The following MDGA2 variants were observed in gnomAD, a reference collection of about 807,000 sequenced individuals.
MDGA2 encodes the protein MAM domain containing glycosylphosphatidylinositol anchor 2.
Under a neutral mutation model 117.8 loss-of-function variants are expected in MDGA2, and 40 were observed. The ratio of observed to expected loss-of-function variants is 0.34; its 90% CI spans 0.26 to 0.44. MDGA2 has a LOEUF of 0.44. MDGA2 is among the 20% of genes least tolerant of loss of function. The probability of loss-of-function intolerance (pLI) is 1.00; values close to 1 mark genes in which losing one functional copy is unlikely to be tolerated. For missense variants in MDGA2, 1,123 were observed against 1,250.6 expected, an observed-to-expected ratio of 0.90 and a Z score of 1.54; for synonymous variants, 452 against 439.0, an observed-to-expected ratio of 1.03 and a Z score of -0.37.
intron 2 of MDGA2, among the ~76,000 whole-genome samples, chr14:47,242,478 C>A (rs993559991): frequency 6.6e-6 from 1 of 151,820 alleles, no homozygotes; most frequent in Non-Finnish European, 1.5e-5. Context: ...CTGCGTGTGG[C>A]GCTTGCGGGG....
Position 47,034,997 on chromosome 14 carries a change from G to A in MDGA2, c.1819+14C>T, listed in dbSNP as rs1888792255. On this transcript the variant is annotated intron_variant, in intron 8 of 16. Coordinates refer to ENST00000399232, the MANE Select transcript of MDGA2 (RefSeq NM_001113498.3). ...TGTCCCCATATGGAAATGCATAAAA[G>A]GGAATTTACTTACACTGAACGATGA... The A allele has an allele frequency of 2.5e-6, 4 of 1,598,372 alleles. No individual in the cohort carries two copies. The highest frequency in any genetic ancestry group is 3.4e-6 in the Non-Finnish European group (4 of 1,170,770).
intron 3 of MDGA2, among the ~76,000 whole-genome samples, chr14:47,178,653 T>C (rs1449689719): frequency 6.6e-6 from 1 of 152,142 alleles, no homozygotes; most frequent in Non-Finnish European, 1.5e-5. Flanking sequence ...CACAATTCAA[T>C]GAGGCAGAAA....
chr14:47,297,862 A>G (rs993167147), intron 2 of MDGA2, among the ~76,000 whole-genome samples: 5 of 152,194 alleles, frequency 3.3e-5, no homozygotes, highest in Non-Finnish European at 1.5e-5. Context: ...TTTCATACCT[A>G]CACATCCAAA....
At chr14:47,281,828 G>T (rs1888500874) in intron 2 of MDGA2, among the ~76,000 whole-genome samples, 1 of 151,652 alleles carries the variant, frequency 6.6e-6, no homozygotes, top group South Asian at 2.1e-4. Context: ...AGACCGAGGT[G>T]AGCCGATCAC....
chr14:47,580,532 G>A (rs968605254), intron 1 of MDGA2, among the ~76,000 whole-genome samples: 2 of 151,742 alleles, frequency 1.3e-5, no homozygotes, highest in South Asian at 2.1e-4. Flanking sequence ...GATTCCATTC[G>A]AGCCACTATT....
intron 16 of MDGA2, among the ~76,000 whole-genome samples, chr14:46,844,597 C>G (rs1182047060): frequency 6.6e-6 from 1 of 151,890 alleles, no homozygotes; most frequent in African/African-American, 2.4e-5. Flanking sequence ...AAAAAATTGG[C>G]TAAATCAGGA....
chr14:47,417,011 T>C (rs1192580933), intron 1 of MDGA2, among the ~76,000 whole-genome samples: 2 of 152,178 alleles, frequency 1.3e-5, no homozygotes, highest in African/African-American at 4.8e-5. Context: ...TTGAAGAGAA[T>C]GCTGGTAGAA....
chr14:47,389,592 ACACACACACACACC>A (rs1357871407), intron 1 of MDGA2, among the ~76,000 whole-genome samples: 5 of 59,644 alleles, frequency 8.4e-5, no homozygotes, highest in South Asian at 9.4e-4. Flanking sequence ...GCAGGAAAAC[ACACACACACACACC>A]CACACACACA....
intron 10 of MDGA2, among the ~76,000 whole-genome samples, chr14:46,906,949 C>T (rs1014319292): frequency 2.7e-5 from 4 of 150,394 alleles, no homozygotes; most frequent in Non-Finnish European, 4.4e-5. Context: ...AATTACAACA[C>T]TGCATTCTTT....
intron 7 of MDGA2, among the ~76,000 whole-genome samples, chr14:47,047,760 C>T (rs1000135542): frequency 6.6e-6 from 1 of 151,608 alleles, no homozygotes; most frequent in Non-Finnish European, 1.5e-5. Flanking sequence ...TATGATGTCT[C>T]GAGTACTGAG....
chr14:47,392,272 T>C (rs1891913257), intron 1 of MDGA2, among the ~76,000 whole-genome samples: 1 of 152,102 alleles, frequency 6.6e-6, no homozygotes, highest in African/African-American at 2.4e-5. Context: ...AGCTTAGAAA[T>C]CATTAACTTT....
intron 8 of MDGA2, among the ~76,000 whole-genome samples, chr14:47,034,400 C>T (rs1888766304): frequency 6.6e-6 from 1 of 151,774 alleles, no homozygotes; most frequent in Non-Finnish European, 1.5e-5. Flanking sequence ...AAACAATTAC[C>T]CGCTAAGATT....
chr14:47,610,398 C>T (rs1391046160), intron 1 of MDGA2, among the ~76,000 whole-genome samples: 5 of 151,926 alleles, frequency 3.3e-5, no homozygotes, highest in East Asian at 1.9e-4. Flanking sequence ...ATGATATGAT[C>T]GTTTATCGTG....
intron 1 of MDGA2, among the ~76,000 whole-genome samples, chr14:47,388,918 C>T (rs1891823363): frequency 2.0e-5 from 3 of 152,140 alleles, no homozygotes; most frequent in South Asian, 4.1e-4. Context: ...GCATATGTCC[C>T]GATGGATACA....
At chr14:47,075,822 A>C (rs1890469423) in intron 6 of MDGA2, among the ~76,000 whole-genome samples, 1 of 152,102 alleles carries the variant, frequency 6.6e-6, no homozygotes, top group Non-Finnish European at 1.5e-5. Flanking sequence ...ATATTAAAAA[A>C]TCAGCTGGTT....
intron 3 of MDGA2, among the ~76,000 whole-genome samples, chr14:47,154,167 A>G (rs1883274609): frequency 6.6e-6 from 1 of 152,222 alleles, no homozygotes; most frequent in Non-Finnish European, 1.5e-5. Flanking sequence ...GTTTTTCCTT[A>G]AGCTGAGTGC....
chr14:47,535,907 C>T (rs1895200752), intron 1 of MDGA2, among the ~76,000 whole-genome samples: 1 of 152,208 alleles, frequency 6.6e-6, no homozygotes, highest in African/African-American at 2.4e-5. Flanking sequence ...TGGGGATTGG[C>T]TGGTCTAGGC....
At chr14:46,857,566 C>T (rs1226900380) in intron 14 of MDGA2, among the ~76,000 whole-genome samples, 1 of 151,898 alleles carries the variant, frequency 6.6e-6, no homozygotes, top group Admixed American at 6.6e-5. Context: ...AATGTAAATA[C>T]GGTTTTCTTT....
chr14:47,595,944 T>C (rs937620162), intron 1 of MDGA2, among the ~76,000 whole-genome samples: 2 of 151,876 alleles, frequency 1.3e-5, no homozygotes, highest in African/African-American at 4.8e-5. Flanking sequence ...AAGCCAAATA[T>C]GAAAGGTTAT....
Sources: gnomAD v4.1 joint callset for allele counts (sites outside exome capture counted in the v4.1 genomes callset) on GRCh38, gnomAD v4.1.1 for gene constraint, MANE v1.5 for transcripts, NCBI Gene and HGNC (gene_info 2026-07-23, HGNC 2026-07-21) for gene names.